GPHN: variants seen among roughly 807,000 people sequenced by gnomAD.
GPHN encodes gephyrin.
Under a neutral mutation model 95.5 loss-of-function variants are expected in GPHN, and 17 were observed. That is an observed-to-expected ratio of 0.18 (90% CI 0.12 to 0.27). GPHN has a LOEUF of 0.27. GPHN is among the 10% of genes least tolerant of loss of function. The pLI, the probability that GPHN is intolerant of heterozygous loss-of-function variation, is 1.00. For missense variants in GPHN, 660 were observed against 978.1 expected (o/e 0.67, Z 4.34); for synonymous variants, 320 against 322.5 (o/e 0.99, Z 0.08).
the GPHN span, among the ~76,000 whole-genome samples, chr14:67,246,798 C>A: frequency 2.6e-5 from 4 of 151,866 alleles, no homozygotes; most frequent in Non-Finnish European, 5.9e-5. Flanking sequence ...ATTATAAGCG[C>A]GCACCACCAC....
At chr14:67,565,420 T>G in the GPHN span, among the ~76,000 whole-genome samples, 1 of 152,066 alleles carries the variant, frequency 6.6e-6, no homozygotes, top group Non-Finnish European at 1.5e-5. Context: ...ATTTTTTAAA[T>G]TTTTTGTAGG....
intron 5 of GPHN, among the ~76,000 whole-genome samples, chr14:66,889,882 GAAA>G (rs998598971): frequency 1.3e-5 from 2 of 149,796 alleles, no homozygotes; most frequent in African/African-American, 2.5e-5. Context: ...GATAGACTAA[GAAA>G]AAAAAAGAAA....
At chr14:67,589,238 C>T in the GPHN span, 3 of 572,590 alleles carry the variant, frequency 5.2e-6, no homozygotes. Context: ...CCCACCCTCT[C>T]TCCTCCCCAA....
At chr14:67,232,443 C>T in the GPHN span, among the ~76,000 whole-genome samples, 1 of 152,176 alleles carries the variant, frequency 6.6e-6, no homozygotes, top group African/African-American at 2.4e-5. Flanking sequence ...GACTGCAGTC[C>T]AGAGCTGACA....
chr14:67,570,077 T>C, the GPHN span: 2 of 1,123,490 alleles, frequency 1.8e-6, no homozygotes, highest in East Asian at 5.1e-5. Flanking sequence ...CATCATCCAA[T>C]GACTGGGGCG....
At chr14:67,339,826 C>T in the GPHN span, among the ~76,000 whole-genome samples, 1 of 152,064 alleles carries the variant, frequency 6.6e-6, no homozygotes, top group African/African-American at 2.4e-5. Flanking sequence ...GGGCCAGGCA[C>T]GGTGGCTCAT....
chr14:66,781,700 T>TTACAGTTCAATACATTCAATACA (rs1418640299), intron 3 of GPHN, among the ~76,000 whole-genome samples: 2 of 152,346 alleles, frequency 1.3e-5, no homozygotes, highest in African/African-American at 2.4e-5. Context: ...GATTCATTCA[T>TTACAGTTCAATACATTCAATACA]GTTATTGACT....
chr14:67,484,384 C>G, the GPHN span, among the ~76,000 whole-genome samples: 1 of 152,222 alleles, frequency 6.6e-6, no homozygotes, highest in African/African-American at 2.4e-5. Flanking sequence ...CTAGCTGCCT[C>G]GGTCTCTCTT....
At chr14:67,271,759 T>C in the GPHN span, 1 of 152,292 alleles carries the variant, frequency 6.6e-6, no homozygotes, top group Non-Finnish European at 1.5e-5. Flanking sequence ...TCTAGATTCT[T>C]GTGGGAAATT....
At chr14:67,003,441 C>G in intron 9 of GPHN, among the ~76,000 whole-genome samples, 1 of 151,564 alleles carries the variant, frequency 6.6e-6, no homozygotes, top group Non-Finnish European at 1.5e-5. Flanking sequence ...TAGGAAAATG[C>G]ACTTTAACTT....
the GPHN span, chr14:67,648,157 A>G: frequency 3.7e-6 from 6 of 1,614,018 alleles, no homozygotes; most frequent in East Asian, 4.5e-5. Flanking sequence ...GAAGGCATGT[A>G]TATTGCTGAG....
chr14:66,540,555 G>T (rs1032044565), intron 1 of GPHN, among the ~76,000 whole-genome samples: 1 of 152,110 alleles, frequency 6.6e-6, no homozygotes, highest in Non-Finnish European at 1.5e-5. Context: ...ATGATACTTT[G>T]GTGTATGTTC....
At chr14:67,052,274 C>G (rs2075341053) in intron 10 of GPHN, among the ~76,000 whole-genome samples, 1 of 148,354 alleles carries the variant, frequency 6.7e-6, no homozygotes, top group South Asian at 2.1e-4. Context: ...TTTTACCAAG[C>G]AAATAGCAGA....
chr14:66,850,510 T>C (rs1035949776), intron 4 of GPHN, among the ~76,000 whole-genome samples: 5 of 152,166 alleles, frequency 3.3e-5, no homozygotes, highest in Non-Finnish European at 5.9e-5. Context: ...ATGTAGTTTG[T>C]ATTTTTACAT....
chr14:67,495,091 C>A, the GPHN span, among the ~76,000 whole-genome samples: 1 of 152,036 alleles, frequency 6.6e-6, no homozygotes, highest in Non-Finnish European at 1.5e-5. Flanking sequence ...AGTTTGGAGG[C>A]AAAAACATCA....
the GPHN span, among the ~76,000 whole-genome samples, chr14:67,314,372 T>C: frequency 2.0e-5 from 3 of 152,354 alleles, no homozygotes; most frequent in South Asian, 6.2e-4. Flanking sequence ...ATTTATTCTT[T>C]TTGAGTATAA....
Position 67,041,305 on chromosome 14 carries a change from T to C in GPHN, c.1007-17344T>C, listed in dbSNP as rs536678891. ...CATAGGTATACACGTGCCATGGTGG[T>C]TTGCTGCACCCATTAACCCATCACC... On this transcript the variant is annotated intron_variant, in intron 10 of 22. Coordinates refer to ENST00000478722, the MANE Select transcript of GPHN (RefSeq NM_020806.5). Among the ~76,000 whole-genome samples the C allele has an allele frequency of 2.6e-5, 4 of 152,104 alleles. No homozygotes were observed. In the South Asian group the frequency reaches 8.3e-4, roughly 32 times the overall value.
At chr14:67,533,241 T>TCGCCC in the GPHN span, 2 of 151,754 alleles carry the variant, frequency 1.3e-5, no homozygotes, top group African/African-American at 4.8e-5. Context: ...CGCTCCAGCC[T>TCGCCC]CGCCCCGCCC....
At chr14:67,277,822 A>G in the GPHN span, among the ~76,000 whole-genome samples, 2 of 152,134 alleles carry the variant, frequency 1.3e-5, no homozygotes, top group African/African-American at 2.4e-5. Flanking sequence ...TGTCAATCCT[A>G]TGAATAAAGC....
Sources: gnomAD v4.1 joint callset for allele counts (sites outside exome capture counted in the v4.1 genomes callset) on GRCh38, gnomAD v4.1.1 for gene constraint, MANE v1.5 for transcripts, NCBI Gene and HGNC (gene_info 2026-07-23, HGNC 2026-07-21) for gene names.